LOXHD1: variants seen among roughly 807,000 people sequenced by gnomAD.
The protein encoded by LOXHD1 is lipoxygenase homology domain-containing protein 1.
Under a neutral mutation model 248.2 loss-of-function variants are expected in LOXHD1, and 205 were observed. That is an observed-to-expected ratio of 0.83 (90% CI 0.74 to 0.93). The LOEUF (loss-of-function observed/expected upper bound fraction) is 0.93. Among genes scored for constraint, LOXHD1 ranks in the 40% least tolerant of loss-of-function variants. The pLI is 0.00. For synonymous variants in LOXHD1, 1,113 were observed against 1,162.8 expected (o/e 0.96, Z 0.87); for missense variants, 2,930 against 2,971.6 (o/e 0.99, Z 0.33).
At chr18:46,603,224 T>C (rs1260641208) in intron 7 of LOXHD1, among the ~76,000 whole-genome samples, 1 of 151,940 alleles carries the variant, frequency 6.6e-6, no homozygotes, top group East Asian at 1.9e-4. Flanking sequence ...GAAAAGACTT[T>C]TCAGGATGAG....
intron 6 of LOXHD1, among the ~76,000 whole-genome samples, chr18:46,607,327 G>A (rs2038430619): frequency 6.7e-6 from 1 of 149,632 alleles, no homozygotes; most frequent in African/African-American, 2.4e-5. Flanking sequence ...ACACATATAT[G>A]TGCATATATA....
intron 34 of LOXHD1, among the ~76,000 whole-genome samples, chr18:46,512,287 C>T (rs1466897730): frequency 2.0e-5 from 3 of 152,110 alleles, no homozygotes; most frequent in Admixed American, 6.5e-5. Flanking sequence ...AATGGCTCCA[C>T]CTGGACCTGC....
intron 29 of LOXHD1, among the ~76,000 whole-genome samples, chr18:46,527,569 G>A (rs112441692): frequency 2.0e-3 from 306 of 152,314 alleles, no homozygotes; most frequent in African/African-American, 7.1e-3. Flanking sequence ...TCAGAGCCAC[G>A]ATCTGAGCTC....
intron 29 of LOXHD1, among the ~76,000 whole-genome samples, chr18:46,525,737 G>T (rs1354366121): frequency 6.6e-6 from 1 of 152,046 alleles, no homozygotes; most frequent in African/African-American, 2.4e-5. Context: ...TGACACTGAG[G>T]GACACCTACT....
At chr18:46,521,072 T>G in intron 33 of LOXHD1, 25 bp downstream of exon 33, 1 of 1,550,024 alleles carries the variant, frequency 6.5e-7, no homozygotes, top group Non-Finnish European at 8.7e-7. Flanking sequence ...GGCCATGCAC[T>G]GCACACTCAC....
At chr18:46,628,339 A>G (rs745425030) in intron 4 of LOXHD1, among the ~76,000 whole-genome samples, 2 of 152,186 alleles carry the variant, frequency 1.3e-5, no homozygotes, top group Non-Finnish European at 2.9e-5. Context: ...TGTGAGCTTC[A>G]GTGGAGGAAA....
chr18:46,481,958 T>A (rs1387418977), intron 40 of LOXHD1, among the ~76,000 whole-genome samples: 1 of 152,180 alleles, frequency 6.6e-6, no homozygotes, highest in Non-Finnish European at 1.5e-5. Flanking sequence ...TTGGGAGGTT[T>A]GCAGATGAGC....
At chr18:46,638,862 A>G (rs547237640) in intron 4 of LOXHD1, among the ~76,000 whole-genome samples, 24 of 152,274 alleles carry the variant, frequency 1.6e-4, no homozygotes. Context: ...CTGTTGTTCA[A>G]CTGAGTGATT....
Position 46,509,688 on chromosome 18 carries a change from GACA to G in LOXHD1, c.5517+7_5517+9del. 6.5e-7 allele frequency: 1 copy of G among 1,537,248 alleles called. No individual in the cohort carries two copies. The highest frequency in any genetic ancestry group is 2.4e-5 in the East Asian group (1 of 40,862). On this transcript the variant is annotated splice_region_variant and intron_variant, in intron 35 of 40. Coordinates refer to ENST00000642948, the MANE Select transcript of LOXHD1 (RefSeq NM_001384474.1). ...GGCTGGAAGGAAGAGTGAGGGTCTAGACATTTTACCCTCTCCAGGAACCACTCC... is the reference window on the plus strand; with the variant it reads ...GGCTGGAAGGAAGAGTGAGGGTCTAGTTTTACCCTCTCCAGGAACCACTCC...
At chr18:46,636,818 G>C (rs899059492) in intron 4 of LOXHD1, among the ~76,000 whole-genome samples, 2 of 152,188 alleles carry the variant, frequency 1.3e-5, no homozygotes, top group African/African-American at 4.8e-5. Context: ...GAAAAGCAAA[G>C]AAATTTAACT....
At chr18:46,563,967 T>G (rs958385744) in intron 17 of LOXHD1, among the ~76,000 whole-genome samples, 3 of 151,918 alleles carry the variant, frequency 2.0e-5, no homozygotes, top group African/African-American at 7.3e-5. Flanking sequence ...AAAAACAAGC[T>G]CTACAAAAGA....
intron 28 of LOXHD1, among the ~76,000 whole-genome samples, chr18:46,532,197 T>C (rs2036101185): frequency 6.6e-6 from 1 of 152,240 alleles, no homozygotes; most frequent in Non-Finnish European, 1.5e-5. Flanking sequence ...GCTGCCCTGC[T>C]AGAGAGATCC....
intron 18 of LOXHD1, 118 bp downstream of exon 18, chr18:46,562,947 T>G: frequency 8.1e-7 from 1 of 1,237,672 alleles, no homozygotes. Context: ...TCCACCCAAC[T>G]GGAGGGAGGC....
chr18:46,590,175 G>A (rs2038139394), intron 12 of LOXHD1, among the ~76,000 whole-genome samples: 1 of 152,040 alleles, frequency 6.6e-6, no homozygotes, highest in Non-Finnish European at 1.5e-5. Context: ...AAATTTGTTA[G>A]GCAAGCAGAT....
chr18:46,574,349 C>A (rs1415041980), intron 14 of LOXHD1, among the ~76,000 whole-genome samples: 1 of 144,612 alleles, frequency 6.9e-6, no homozygotes, highest in Non-Finnish European at 1.5e-5. Context: ...GATTTTATTA[C>A]TCTTTCTCTG....
rs1290647750 is a variant in LOXHD1 at position 46,569,341 on chromosome 18, CGT to C, written c.2244+99_2244+100del. 2.7e-5 allele frequency: 27 copies of C among 994,088 alleles called. No individual in the cohort carries two copies. In the Admixed American group the frequency reaches 3.0e-4, roughly 11 times the overall value. 61.6% of individuals were successfully genotyped at this position (994,088 alleles called of 1,614,324 possible). ...TTACCCTTATGTACATGAGTGTGTG[CGT>C]GTGTGTCTGTGTGTGGACATATGTG... On this transcript the variant is annotated intron_variant, in intron 16 of 40. Coordinates refer to ENST00000642948, the MANE Select transcript of LOXHD1 (RefSeq NM_001384474.1).
chr18:46,531,581 T>TCTG (rs68183268), intron 28 of LOXHD1, among the ~76,000 whole-genome samples: 28,182 of 152,102 alleles, frequency 0.19, 2,799 homozygotes, highest in African/African-American at 0.24. Context: ...ACTCCCCCTT[T>TCTG]CTGCTTTCTC....
At chr18:46,500,999 A>G (rs941698703) in intron 37 of LOXHD1, among the ~76,000 whole-genome samples, 1 of 152,130 alleles carries the variant, frequency 6.6e-6, no homozygotes, top group Non-Finnish European at 1.5e-5. Context: ...TAAATTAATT[A>G]CTTGTTTAAT....
At chr18:46,650,054 A>G (rs929007310) in intron 1 of LOXHD1, among the ~76,000 whole-genome samples, 1 of 152,088 alleles carries the variant, frequency 6.6e-6, no homozygotes, top group Admixed American at 6.5e-5. Flanking sequence ...GAATCACAGC[A>G]CAGAACTAGC....
Sources: gnomAD v4.1 joint callset for allele counts (sites outside exome capture counted in the v4.1 genomes callset) on GRCh38, gnomAD v4.1.1 for gene constraint, MANE v1.5 for transcripts, NCBI Gene and HGNC (gene_info 2026-07-23, HGNC 2026-07-21) for gene names.